Variants in ME2 observed in about 807,000 individuals in gnomAD.
ME2 encodes the protein NAD-dependent malic enzyme, mitochondrial.
ME2 carries 60 observed loss-of-function variants against 73.7 expected under a neutral mutation model. That is an observed-to-expected ratio of 0.81 (90% CI 0.66 to 1.01). The LOEUF (loss-of-function observed/expected upper bound fraction) is 1.01. ME2 is among the 50% of genes least tolerant of loss of function. ME2 has a pLI of 0.00. For missense variants in ME2, 594 were observed against 705.5 expected, an observed-to-expected ratio of 0.84 and a Z score of 1.79; for synonymous variants, 199 against 236.9, an observed-to-expected ratio of 0.84 and a Z score of 1.47.
intron 1 of ME2, among the ~76,000 whole-genome samples, chr18:50,882,278 G>T (rs779158962): frequency 6.6e-6 from 1 of 152,092 alleles, no homozygotes; most frequent in African/African-American, 2.4e-5. Flanking sequence ...GGGATTACAG[G>T]TGTTCGCCAC....
At chr18:50,946,548 C>T (rs751891539) in intron 15 of ME2, among the ~76,000 whole-genome samples, 11 of 152,142 alleles carry the variant, frequency 7.2e-5, no homozygotes, top group Non-Finnish European at 1.2e-4. Flanking sequence ...TGTCAGTTCC[C>T]CTGTATAGGT....
At chr18:50,914,825 C>T (rs1917245863) in intron 4 of ME2, among the ~76,000 whole-genome samples, 1 of 152,192 alleles carries the variant, frequency 6.6e-6, no homozygotes, top group Non-Finnish European at 1.5e-5. Flanking sequence ...GACCTGTGTT[C>T]TAGAACCTGC....
In ME2 at chr18:50,952,190, T is replaced by G. The variant is rs905887062; in HGVS notation, c.*5006T>G. 2.0e-5 allele frequency: 3 copies of G among 152,176 alleles called. No individual in the cohort carries two copies. The highest frequency in any genetic ancestry group is 4.4e-5 in the Non-Finnish European group (3 of 68,016). The allele number at this position is 152,176 out of a possible 1,614,324, so 9.4% of individuals were successfully genotyped here. A position where few individuals can be genotyped will look rare whatever the true frequency, so the allele number is the denominator to read the frequency against. On this transcript the variant is annotated 3_prime_UTR_variant, in exon 16 of 16. Transcript: ENST00000321341. ...GAGCTGAAGTAACATACTTCATATT[T>G]AAAAAGTTCACAGCAATTTGACCAT...
At chr18:50,900,270 TTTTATTTATTTA>T (rs201561556) in intron 2 of ME2, among the ~76,000 whole-genome samples, 116 of 140,910 alleles carry the variant, frequency 8.2e-4, no homozygotes, top group East Asian at 3.7e-3. Flanking sequence ...GTAAGAATAA[TTTTATTTATTTA>T]TTTATTTATT....
chr18:50,917,021 C>G (rs1163619193), intron 5 of ME2: 5 of 173,970 alleles, frequency 2.9e-5, no homozygotes, highest in Non-Finnish European at 4.9e-5. Flanking sequence ...TTATTTTTCT[C>G]TTATGGTAAT....
chr18:50,905,262 G>A (rs942007388), intron 2 of ME2, among the ~76,000 whole-genome samples: 1 of 152,160 alleles, frequency 6.6e-6, no homozygotes, highest in African/African-American at 2.4e-5. Context: ...TGGGATTAGA[G>A]GCGTGAGCCA....
intron 9 of ME2, 105 bp downstream of exon 9, chr18:50,920,863 T>G: frequency 1.1e-6 from 1 of 880,218 alleles, no homozygotes; most frequent in South Asian, 1.8e-5. Context: ...GCCTGTAATT[T>G]TGTTGAGGTA....
At chr18:50,942,803 A>T in intron 15 of ME2, 1 of 264,604 alleles carries the variant, frequency 3.8e-6, no homozygotes, top group Non-Finnish European at 7.0e-6. Context: ...TTTTTTGAAC[A>T]ATCTTATTTT....
Position 50,881,182 on chromosome 18 carries a change from C to T in ME2, c.-13+1874C>T, listed in dbSNP as rs140223266. Reference sequence around the variant, plus strand: ...TAGCTGGGACTACAGGCATGCACCACCATGCCCGGCTAATTTGTGTGTGTG... The same window carrying T: ...TAGCTGGGACTACAGGCATGCACCATCATGCCCGGCTAATTTGTGTGTGTG... On this transcript the variant is annotated intron_variant, in intron 1 of 15. Coordinates refer to ENST00000321341, the MANE Select transcript of ME2 (RefSeq NM_002396.5). Among the ~76,000 whole-genome samples the T allele has an allele frequency of 1.4e-3, 216 of 152,284 alleles. 1 individual carries two copies. Among genetic ancestry groups the T allele is most frequent in the South Asian group, 7.9e-3 (38 of 4,826 alleles).
Position 50,940,362 on chromosome 18 carries a change from A to G in ME2, c.1563A>G (p.Glu521=). 1 of 1,606,998 alleles carries G rather than the reference A, an allele frequency of 6.2e-7. No individual in the cohort carries two copies. Among genetic ancestry groups the G allele is most frequent in the Non-Finnish European group, 8.5e-7 (1 of 1,176,878 alleles). Residue 521 remains glutamate, a synonymous_variant, in exon 15 of 16, where the codon GAA becomes GAG. Transcript: ENST00000321341. ...RLYPPLANIQ[E]VSINIAIKVT... ...ACCCACCGCTTGCTAATATTCAGGA[A>G]GTTTCTATTAACATTGCTATTAAAG...
chr18:50,912,426 GC>G (rs1917178947), intron 3 of ME2, among the ~76,000 whole-genome samples: 1 of 152,076 alleles, frequency 6.6e-6, no homozygotes, highest in Non-Finnish European at 1.5e-5. Flanking sequence ...TTGAATTAAT[GC>G]CACTTTATTT....
rs193005055 is a variant in ME2 at position 50,895,830 on chromosome 18, C to T, written c.10C>T (p.Arg4Trp). The T allele has an allele frequency of 1.6e-5, 25 of 1,611,186 alleles. No homozygotes were observed. The highest frequency in any genetic ancestry group is 6.6e-5 in the South Asian group (6 of 90,884). Residue 4 changes from arginine (R) to tryptophan (W), a missense_variant, in exon 2 of 16, where the codon CGG (arginine) becomes TGG (tryptophan). Coordinates refer to ENST00000321341, the MANE Select transcript of ME2 (RefSeq NM_002396.5). Reference sequence around the variant, plus strand: ...TCAGGTGAAAGAAAAGATGTTGTCCCGGTTAAGAGTAGTTTCCACCACTTG... The same window carrying T: ...TCAGGTGAAAGAAAAGATGTTGTCCTGGTTAAGAGTAGTTTCCACCACTTG... The part of the protein sequence containing the change: MLS[R>W]LRVVSTTCTL...
intron 2 of ME2, among the ~76,000 whole-genome samples, chr18:50,905,972 T>C (rs542042842): frequency 6.6e-6 from 1 of 152,314 alleles, no homozygotes; most frequent in South Asian, 2.1e-4. Context: ...ATTCAGGTGG[T>C]TGGGAGACCT....
intron 13 of ME2, chr18:50,933,687 G>A (rs1188867995): frequency 6.6e-6 from 1 of 151,834 alleles, no homozygotes; most frequent in African/African-American, 2.4e-5. Context: ...TTAGTTCCAG[G>A]GGTACATATG....
Position 50,925,914 on chromosome 18 carries a change from T to G in ME2, c.1314+16T>G, listed in dbSNP as rs368753370. ...ACTTACAGAGGTATTAATAATCACA[T>G]GAATTGATATGTATATTATTTTCCC... On this transcript the variant is annotated intron_variant, in intron 12 of 15. Transcript: ENST00000321341. 7.1e-6 allele frequency: 11 copies of G among 1,548,214 alleles called. No individual in the cohort carries two copies. Among genetic ancestry groups the G allele is most frequent in the African/African-American group, 1.4e-5 (1 of 73,526 alleles).
intron 12 of ME2, among the ~76,000 whole-genome samples, chr18:50,928,819 A>G (rs1454399349): frequency 2.0e-5 from 3 of 152,074 alleles, no homozygotes; most frequent in Admixed American, 6.5e-5. Context: ...CCTCTCTGTC[A>G]TCATGAGACT....
intron 2 of ME2, among the ~76,000 whole-genome samples, chr18:50,906,940 A>G (rs1917033282): frequency 1.3e-5 from 2 of 152,160 alleles, no homozygotes; most frequent in Non-Finnish European, 2.9e-5. Flanking sequence ...GTAATACCTC[A>G]TGGCTTTTGA....
rs1918219430 is a variant in ME2 at position 50,951,322 on chromosome 18, G to C, written c.*4138G>C. ...AAGGAGTATGAAGCATTATTTACTG[G>C]CTCTCAGATAACAGAAAACCCAAAA... On this transcript the variant is annotated 3_prime_UTR_variant, in exon 16 of 16. Transcript: ENST00000321341. The C allele has an allele frequency of 6.6e-6, 1 of 152,108 alleles. No individual in the cohort carries two copies. Among genetic ancestry groups the C allele is most frequent in the South Asian group, 2.1e-4 (1 of 4,836 alleles). The allele number at this position is 152,108 out of a possible 1,614,324, so 9.4% of individuals were successfully genotyped here.
chr18:50,905,031 G>T (rs1916986840), intron 2 of ME2, among the ~76,000 whole-genome samples: 1 of 151,858 alleles, frequency 6.6e-6, no homozygotes, highest in African/African-American at 2.4e-5. Context: ...TCTGTCACCA[G>T]GCTGGAGTGC....
Sources: gnomAD v4.1 joint callset for allele counts (sites outside exome capture counted in the v4.1 genomes callset) on GRCh38, gnomAD v4.1.1 for gene constraint, MANE v1.5 for transcripts, NCBI Gene and HGNC (gene_info 2026-07-23, HGNC 2026-07-21) for gene names.